The following ADGRL2 variants were observed in gnomAD, a reference collection of about 807,000 sequenced individuals.
The protein encoded by ADGRL2 is calcium-independent alpha-latrotoxin receptor 2.
A neutral mutation model predicts 157.4 loss-of-function variants in ADGRL2; 44 were observed. The ratio of observed to expected loss-of-function variants is 0.28; its 90% CI spans 0.22 to 0.36. The LOEUF (loss-of-function observed/expected upper bound fraction) is 0.36. Ranked by LOEUF, ADGRL2 falls within the 10% of genes least tolerant of loss-of-function variation. ADGRL2 has a pLI of 1.00. For missense variants in ADGRL2, 1,510 were observed against 1,768.9 expected (o/e 0.85, Z 2.63); for synonymous variants, 585 against 624.7 (o/e 0.94, Z 0.95).
chr1:81,677,831 G>C (rs963542824), intron 3 of ADGRL2, among the ~76,000 whole-genome samples: 2 of 152,098 alleles, frequency 1.3e-5, no homozygotes, highest in Non-Finnish European at 2.9e-5. Flanking sequence ...ATGCCTTCCT[G>C]ATGACCATAA....
At chr1:81,903,958 TA>T (rs1265395279) in intron 2 of ADGRL2, among the ~76,000 whole-genome samples, 15 of 151,780 alleles carry the variant, frequency 9.9e-5, no homozygotes, top group Non-Finnish European at 1.5e-4. Flanking sequence ...ACAATTTAAA[TA>T]TTTTTTTGGT....
chr1:81,696,205 T>TC (rs1273139337), upstream of ADGRL2, among the ~76,000 whole-genome samples: 1 of 152,182 alleles, frequency 6.6e-6, no homozygotes, highest in African/African-American at 2.4e-5. Context: ...GAATTTTTTT[T>TC]CCCTCTCGGC....
rs1256626662 is a variant in ADGRL2, at chr1:81,943,426, G to A, written c.867G>A (p.Met289Ile). 1.2e-6 allele frequency: 2 copies of A among 1,613,722 alleles called. No homozygotes were observed. The highest frequency in any genetic ancestry group is 1.7e-6 in the Non-Finnish European group (2 of 1,179,754). ...VIYATEQNNG[M>I]IVISQLNPYT... ...ACGCCACTGAACAGAACAATGGAAT[G>A]ATAGTTATTAGCCAGCTGAATCCAT... The change falls in exon 6 of 24, where the codon ATG (methionine) becomes ATA (isoleucine). Residue 289 changes from methionine to isoleucine, a missense_variant. Met to Ile is a conservative substitution (Grantham distance 10). Around this residue, in one of 4 missense-constraint regions of ADGRL2, gnomAD observed 361 missense variants for 498.4 expected, o/e 0.72. Coordinates refer to ENST00000686636, the MANE Select transcript of ADGRL2 (RefSeq NM_001366006.2). The surrounding 1 kb of genome is among the most constrained non-coding windows in gnomAD (Gnocchi z 5.6).
intron 3 of ADGRL2, among the ~76,000 whole-genome samples, chr1:81,606,152 T>A (rs932037888): frequency 6.6e-6 from 1 of 152,136 alleles, no homozygotes; most frequent in Non-Finnish European, 1.5e-5. Flanking sequence ...CTCAAGCAGC[T>A]TTTTTTAGAA....
In ADGRL2 at chr1:81,950,418, G is replaced by A. The variant is rs1233815852; in HGVS notation, c.1440G>A (p.Gly480=). The change falls in exon 7 of 24, where the codon GGG becomes GGA. Residue 480 remains glycine (G), a synonymous_variant. Transcript: ENST00000686636. ...ERFCEALDSK[G]IKWPQTQRGM... ...TCTGTGAAGCATTAGACTCCAAGGG[G>A]ATAAAGTGGCCTCAGACACAAAGGG... 1 of 1,613,846 alleles carries A rather than the reference G, an allele frequency of 6.2e-7. No individual in the cohort carries two copies. Among genetic ancestry groups the A allele is most frequent in the Non-Finnish European group, 8.5e-7 (1 of 1,179,912 alleles).
At chr1:81,905,488 C>T (rs1441438981) in intron 2 of ADGRL2, among the ~76,000 whole-genome samples, 1 of 152,170 alleles carries the variant, frequency 6.6e-6, no homozygotes, top group East Asian at 1.9e-4. Context: ...TATGCCAATT[C>T]CCAAATAGGT....
chr1:81,860,994 A>C (rs562335318), intron 2 of ADGRL2, among the ~76,000 whole-genome samples: 1 of 147,706 alleles, frequency 6.8e-6, no homozygotes, highest in African/African-American at 2.5e-5. Flanking sequence ...TTAATTTAGG[A>C]TATGTACATA....
chr1:81,899,614 C>T (rs2094453306), intron 2 of ADGRL2, among the ~76,000 whole-genome samples: 1 of 152,170 alleles, frequency 6.6e-6, no homozygotes, highest in African/African-American at 2.4e-5. Flanking sequence ...CACAAAGCTG[C>T]AATATTGATT....
intron 6 of ADGRL2, among the ~76,000 whole-genome samples, chr1:81,948,591 TG>T (rs1208821116): frequency 6.6e-6 from 1 of 152,194 alleles, no homozygotes; most frequent in East Asian, 1.9e-4. Flanking sequence ...GTGATGCTTT[TG>T]ACAAATGTTA....
chr1:81,969,658 A>G (rs776445516), intron 15 of ADGRL2, among the ~76,000 whole-genome samples: 17 of 152,198 alleles, frequency 1.1e-4, no homozygotes, highest in Non-Finnish European at 2.1e-4. Context: ...GGATACAGTA[A>G]TATAAAGATC....
At chr1:81,389,837 G>T (rs1189447686) in intron 1 of ADGRL2, among the ~76,000 whole-genome samples, 1 of 151,988 alleles carries the variant, frequency 6.6e-6, no homozygotes, top group Non-Finnish European at 1.5e-5. Context: ...AGGCTAAAAA[G>T]AAACTACATC....
At chr1:81,583,957 G>T (rs1159694323) in intron 3 of ADGRL2, among the ~76,000 whole-genome samples, 1 of 152,102 alleles carries the variant, frequency 6.6e-6, no homozygotes, top group Non-Finnish European at 1.5e-5. Context: ...ATACGTTGGG[G>T]TTTAATTGTA....
Position 81,991,652 on chromosome 1 carries a change from T to C in ADGRL2, c.*507T>C, listed in dbSNP as rs1379530295. On this transcript the variant is annotated 3_prime_UTR_variant, in exon 24 of 24. Transcript: ENST00000686636. ...GCAGTTCACTGCAAATCTTTTACAT[T>C]AAGGCAAAGATTGAAAACATGCTTA... 1 of 153,306 alleles carries C rather than the reference T, an allele frequency of 6.5e-6. No individual in the cohort carries two copies. The highest frequency in any genetic ancestry group is 6.5e-5 in the Admixed American group (1 of 15,392). 9.5% of individuals were successfully genotyped at this position (153,306 alleles called of 1,614,324 possible).
Position 81,734,834 on chromosome 1 carries a change from G to A in ADGRL2, c.-142-26977G>A, listed in dbSNP as rs1016879608. Among the ~76,000 whole-genome samples the A allele has an allele frequency of 8.1e-5, 12 of 147,712 alleles. 1 individual carries two copies. The highest frequency in any genetic ancestry group is 1.8e-4 in the Non-Finnish European group (12 of 66,066). Reference sequence around the variant, plus strand: ...GAATCACCTGAGGTCGGGAGTTCAAGACCAGACTAACCAACATGGAGAAAC... The same window carrying A: ...GAATCACCTGAGGTCGGGAGTTCAAAACCAGACTAACCAACATGGAGAAAC... On this transcript the variant is annotated intron_variant, in intron 1 of 20. Coordinates refer to the ADGRL2 transcript ENST00000359929.
At chr1:81,700,513 C>T (rs1480070894) in intron 1 of ADGRL2, among the ~76,000 whole-genome samples, 1 of 152,144 alleles carries the variant, frequency 6.6e-6, no homozygotes, top group Non-Finnish European at 1.5e-5. Context: ...AAGACCAAAA[C>T]CGTCACAACT....
At chr1:81,956,912 A>G (rs1437095296) in intron 11 of ADGRL2, among the ~76,000 whole-genome samples, 1 of 152,154 alleles carries the variant, frequency 6.6e-6, no homozygotes, top group Non-Finnish European at 1.5e-5. Flanking sequence ...ATGCCTAATT[A>G]TGCCTTATTG....
intron 2 of ADGRL2, among the ~76,000 whole-genome samples, chr1:81,466,670 C>G (rs2078060062): frequency 5.2e-5 from 2 of 38,598 alleles, no homozygotes; most frequent in African/African-American, 1.1e-4. Context: ...CTCTCTCTCT[C>G]ACGCGCGCGC....
chr1:81,875,290 T>C (rs2093809119), intron 2 of ADGRL2, among the ~76,000 whole-genome samples: 1 of 152,146 alleles, frequency 6.6e-6, no homozygotes, highest in Admixed American at 6.6e-5. Context: ...ATAATACTTG[T>C]CTTCTAGTGT....
intron 2 of ADGRL2, among the ~76,000 whole-genome samples, chr1:81,501,136 C>T (rs1570295659): frequency 6.6e-6 from 1 of 152,268 alleles, no homozygotes; most frequent in African/African-American, 2.4e-5. Context: ...ACTGCTGCCA[C>T]AATGTTAATT....
Sources: allele counts gnomAD v4.1 joint callset (sites outside exome capture counted in the v4.1 genomes callset), GRCh38; gene constraint gnomAD v4.1.1; regional missense constraint gnomAD v4.1.1; non-coding constraint Gnocchi (gnomAD v3.1); transcripts MANE v1.5; gene names NCBI Gene and HGNC (gene_info 2026-07-23, HGNC 2026-07-21).